PRKCE: variants seen among roughly 807,000 people sequenced by gnomAD.
The protein encoded by PRKCE is protein kinase C epsilon, also known as protein kinase C epsilon type.
A neutral mutation model predicts 85.4 loss-of-function variants in PRKCE; 16 were observed. That is an observed-to-expected ratio of 0.19 (90% confidence interval 0.13 to 0.28). PRKCE has a LOEUF of 0.28. PRKCE is among the 10% of genes least tolerant of loss of function. PRKCE has a pLI of 1.00. For synonymous variants in PRKCE, 388 were observed against 371.5 expected, an observed-to-expected ratio of 1.04 and a Z score of -0.51; for missense variants, 573 against 975.2, an observed-to-expected ratio of 0.59 and a Z score of 5.49.
rs565280374 is a variant in PRKCE, at chr2:46,061,104, C to CTT, written c.1438-25083_1438-25082dup. The stretch of plus-strand genomic sequence containing the variant: ...TGATTTTCTTTTCTTCTTTTTTTTC[C>CTT]TTTTTTTTTTTTTTTTTTTTTTGAG... On this transcript the variant is annotated intron_variant, in intron 10 of 14. Transcript: ENST00000306156. 7.4e-3 allele frequency among the ~76,000 whole-genome samples: 762 copies of CTT among 103,420 alleles called. 3 individuals carry two copies. The highest frequency in any genetic ancestry group is 0.019 in the East Asian group (63 of 3,290). 67.8% of individuals were successfully genotyped at this position (103,420 alleles called of 152,430 possible). A position where few individuals can be genotyped will look rare whatever the true frequency, so the allele number is the denominator to read the frequency against.
At chr2:45,694,362 A>G (rs1440391355) in intron 1 of PRKCE, among the ~76,000 whole-genome samples, 5 of 152,016 alleles carry the variant, frequency 3.3e-5, no homozygotes, top group Non-Finnish European at 5.9e-5. Context: ...GGATCTGGAT[A>G]TGGATGATGG....
intron 1 of PRKCE, among the ~76,000 whole-genome samples, chr2:45,667,447 C>T (rs1488336828): frequency 1.3e-5 from 2 of 152,128 alleles, no homozygotes; most frequent in Non-Finnish European, 2.9e-5. Flanking sequence ...CATGCCCAGC[C>T]TGGTTAAGTA....
intron 1 of PRKCE, among the ~76,000 whole-genome samples, chr2:45,731,434 C>A (rs1681563879): frequency 6.6e-6 from 1 of 152,084 alleles, no homozygotes; most frequent in African/African-American, 2.4e-5. Context: ...AATCATTTGT[C>A]TGGAGGTTTT....
intron 1 of PRKCE, among the ~76,000 whole-genome samples, chr2:45,821,542 C>G (rs1218816006): frequency 6.6e-6 from 1 of 152,090 alleles, no homozygotes; most frequent in Non-Finnish European, 1.5e-5. Flanking sequence ...CAGAGGGAGA[C>G]TGCTGGAGGA....
chr2:45,916,053 G>C (rs942017858), intron 2 of PRKCE, among the ~76,000 whole-genome samples: 1 of 152,122 alleles, frequency 6.6e-6, no homozygotes, highest in African/African-American at 2.4e-5. Context: ...TGGCTCTAGG[G>C]CTCAAGAGAG....
At chr2:45,772,172 TTTC>T (rs1388090161) in intron 1 of PRKCE, among the ~76,000 whole-genome samples, 1 of 151,886 alleles carries the variant, frequency 6.6e-6, no homozygotes, top group Non-Finnish European at 1.5e-5. Context: ...TAATTTTGTG[TTTC>T]TTCTTCATAA....
chr2:45,977,495 G>T (rs1702548519), intron 3 of PRKCE, among the ~76,000 whole-genome samples: 1 of 152,000 alleles, frequency 6.6e-6, no homozygotes, highest in Non-Finnish European at 1.5e-5. Flanking sequence ...AAATTAGCTG[G>T]CCATGGTGGT....
At chr2:45,796,805 TG>T (rs1210287729) in intron 1 of PRKCE, among the ~76,000 whole-genome samples, 2 of 152,170 alleles carry the variant, frequency 1.3e-5, no homozygotes, top group Non-Finnish European at 2.9e-5. Context: ...TTTGTAGAGA[TG>T]GGGGTCTCAC....
intron 1 of PRKCE, among the ~76,000 whole-genome samples, chr2:45,728,039 C>A (rs1681233642): frequency 6.6e-6 from 1 of 152,208 alleles, no homozygotes; most frequent in African/African-American, 2.4e-5. Flanking sequence ...GGGAGATGGT[C>A]TCTTGAGTAA....
intron 1 of PRKCE, among the ~76,000 whole-genome samples, chr2:45,755,722 A>G (rs908551954): frequency 1.1e-4 from 16 of 152,106 alleles, no homozygotes; most frequent in African/African-American, 3.6e-4. Context: ...TGTGGCTTGT[A>G]TATATTATTG....
intron 2 of PRKCE, among the ~76,000 whole-genome samples, chr2:45,932,890 A>G (rs4267553): frequency 0.3 from 46,361 of 152,114 alleles, 7,397 homozygotes; most frequent in South Asian, 0.38. Context: ...ATTTCTTTTT[A>G]TGACTGGCTT....
At chr2:45,808,080 G>A (rs780673398) in intron 1 of PRKCE, among the ~76,000 whole-genome samples, 2 of 152,006 alleles carry the variant, frequency 1.3e-5, no homozygotes, top group Non-Finnish European at 2.9e-5. Context: ...GCGCATAGTG[G>A]TCACTCCCTC....
intron 11 of PRKCE, among the ~76,000 whole-genome samples, chr2:46,121,556 A>G (rs1673316592): frequency 6.6e-6 from 1 of 152,234 alleles, no homozygotes; most frequent in Admixed American, 6.5e-5. Flanking sequence ...AGGGGCCCAT[A>G]GGGAATTTAC....
chr2:46,090,724 C>T lies in PRKCE; in HGVS notation c.1592+4362C>T, dbSNP rs1010951233. Among the ~76,000 whole-genome samples, 3 of 152,050 alleles carry T rather than the reference C, an allele frequency of 2.0e-5. No individual in the cohort carries two copies. In the East Asian group the frequency reaches 5.8e-4, roughly 29 times the overall value. On this transcript the variant is annotated intron_variant, in intron 11 of 14. Coordinates refer to ENST00000306156, the MANE Select transcript of PRKCE (RefSeq NM_005400.3). ...ATGAGGACCCTGTGGTCTGTGTTCC[C>T]ATGCTGCCTTTGTATCAAGCTGCAA...
At chr2:46,079,443 C>G (rs1353198104) in intron 10 of PRKCE, among the ~76,000 whole-genome samples, 1 of 152,066 alleles carries the variant, frequency 6.6e-6, no homozygotes, top group East Asian at 1.9e-4. Flanking sequence ...TCTTCTATAT[C>G]CCCCAGCCAC....
intron 6 of PRKCE, among the ~76,000 whole-genome samples, chr2:45,991,233 C>T (rs1703769853): frequency 6.6e-6 from 1 of 151,908 alleles, no homozygotes; most frequent in Non-Finnish European, 1.5e-5. Context: ...TCTTTAGCTC[C>T]CAACCTCAAG....
At chr2:46,029,423 A>G (rs1006408290) in intron 10 of PRKCE, among the ~76,000 whole-genome samples, 5 of 152,158 alleles carry the variant, frequency 3.3e-5, no homozygotes, top group African/African-American at 1.2e-4. Context: ...GAGGTTTGGA[A>G]TTTCATGTGA....
intron 2 of PRKCE, among the ~76,000 whole-genome samples, chr2:45,909,306 G>A (rs1697208769): frequency 6.6e-6 from 1 of 152,208 alleles, no homozygotes; most frequent in South Asian, 2.1e-4. Context: ...AGTTTGCCAA[G>A]TATTACGAGG....
intron 10 of PRKCE, among the ~76,000 whole-genome samples, chr2:46,028,040 C>T (rs925615432): frequency 6.6e-6 from 1 of 151,946 alleles, no homozygotes; most frequent in Non-Finnish European, 1.5e-5. Context: ...CTCCCGGGTT[C>T]ACGTGATTCT....
Sources: gnomAD v4.1 joint callset for allele counts (sites outside exome capture counted in the v4.1 genomes callset) on GRCh38, gnomAD v4.1.1 for gene constraint, MANE v1.5 for transcripts, NCBI Gene and HGNC (gene_info 2026-07-23, HGNC 2026-07-21) for gene names.